The following SLIT2 variants were observed in gnomAD, a reference collection of about 807,000 sequenced individuals.
SLIT2 encodes slit guidance ligand 2, also known as slit homolog 2 protein.
SLIT2 carries 41 observed loss-of-function variants against 185.7 expected under a neutral mutation model. The ratio of observed to expected loss-of-function variants is 0.22; its 90% CI spans 0.17 to 0.29. SLIT2 has a LOEUF of 0.29. Among genes scored for constraint, SLIT2 ranks in the 10% least tolerant of loss-of-function variants. The probability of loss-of-function intolerance (pLI) is 1.00; values close to 1 mark genes in which losing one functional copy is unlikely to be tolerated. For synonymous variants in SLIT2, 693 were observed against 680.2 expected (o/e 1.02, Z -0.29); for missense variants, 1,571 against 1,909.0 (o/e 0.82, Z 3.30).
At chr4:20,311,846 T>C (rs1718138205) in intron 4 of SLIT2, among the ~76,000 whole-genome samples, 1 of 152,202 alleles carries the variant, frequency 6.6e-6, no homozygotes, top group Non-Finnish European at 1.5e-5. Flanking sequence ...GATGAAAATA[T>C]ATTGAATTTC....
chr4:20,573,225 C>T (rs761256208), intron 29 of SLIT2: 15 of 702,758 alleles, frequency 2.1e-5, no homozygotes, highest in South Asian at 4.4e-5. Flanking sequence ...CTGTCTTTGT[C>T]GCTGCCAGCT....
intron 3 of SLIT2, among the ~76,000 whole-genome samples, chr4:20,261,822 AACCTT>A (rs1261952158): frequency 2.6e-5 from 4 of 151,902 alleles, no homozygotes; most frequent in East Asian, 3.9e-4. Context: ...ACCATCTTGT[AACCTT>A]AAAATAAGAA....
intron 17 of SLIT2, among the ~76,000 whole-genome samples, chr4:20,532,427 T>A (rs1271591174): frequency 1.3e-5 from 2 of 152,208 alleles, no homozygotes; most frequent in Non-Finnish European, 2.9e-5. Flanking sequence ...TTGGACTTTT[T>A]TGCTTCATTA....
Position 20,403,811 on chromosome 4 carries a change from TG to T in SLIT2, c.396-63940del, listed in dbSNP as rs372072834. On this transcript the variant is annotated intron_variant, in intron 4 of 36. Coordinates refer to ENST00000504154, the MANE Select transcript of SLIT2 (RefSeq NM_004787.4). ...GCAGATCTTACATAAAATTTTAATT[TG>T]CTATGGTAGAGCAGTTTTCTGTTTT... Among the ~76,000 whole-genome samples the T allele has an allele frequency of 1.3e-4, 20 of 151,908 alleles. No individual in the cohort carries two copies. The East Asian group carries it at 3.7e-3, about 28-fold the overall frequency.
At chr4:20,330,867 A>G (rs2109198699) in intron 4 of SLIT2, among the ~76,000 whole-genome samples, 1 of 152,222 alleles carries the variant, frequency 6.6e-6, no homozygotes, top group African/African-American at 2.4e-5. Flanking sequence ...AAGGAAAGAG[A>G]CATCCTAATA....
intron 4 of SLIT2, among the ~76,000 whole-genome samples, chr4:20,322,845 T>C (rs73234449): frequency 0.19 from 29,181 of 152,058 alleles, 3,291 homozygotes; most frequent in Admixed American, 0.3. Flanking sequence ...TTGAACACTC[T>C]GGGCTCTTTA....
intron 34 of SLIT2, among the ~76,000 whole-genome samples, chr4:20,614,107 A>C (rs897314714): frequency 6.6e-6 from 1 of 152,044 alleles, no homozygotes; most frequent in Non-Finnish European, 1.5e-5. Flanking sequence ...TCCTGACCTC[A>C]TGTGATCCAC....
chr4:20,456,547 G>A (rs937483340), intron 4 of SLIT2, among the ~76,000 whole-genome samples: 2 of 152,048 alleles, frequency 1.3e-5, no homozygotes, highest in African/African-American at 2.4e-5. Flanking sequence ...CTGGGTTGAT[G>A]TCTGCTCTTT....
chr4:20,457,191 G>A (rs531393470), intron 4 of SLIT2, among the ~76,000 whole-genome samples: 5 of 151,912 alleles, frequency 3.3e-5, no homozygotes, highest in Non-Finnish European at 7.4e-5. Flanking sequence ...CATAGCATTA[G>A]GATACAATGA....
intron 9 of SLIT2, among the ~76,000 whole-genome samples, chr4:20,499,534 G>C (rs1437519933): frequency 6.6e-6 from 1 of 152,074 alleles, no homozygotes; most frequent in Non-Finnish European, 1.5e-5. Context: ...CTGTCATCCA[G>C]GCTGGAGTGC....
At chr4:20,388,790 A>AT (rs199914248) in intron 4 of SLIT2, among the ~76,000 whole-genome samples, 21,534 of 128,918 alleles carry the variant, frequency 0.17, 1,712 homozygotes, top group Middle Eastern at 0.23. Flanking sequence ...AAAAAAAAAA[A>AT]AAATATATAT....
chr4:20,592,150 C>G (rs1170859081), intron 30 of SLIT2, among the ~76,000 whole-genome samples: 6 of 152,168 alleles, frequency 3.9e-5, no homozygotes, highest in African/African-American at 1.4e-4. Context: ...AAAATCTCTA[C>G]TGACAAATGT....
chr4:20,487,142 G>A (rs575146155), intron 7 of SLIT2, among the ~76,000 whole-genome samples: 103 of 151,886 alleles, frequency 6.8e-4, no homozygotes, highest in African/African-American at 2.3e-3. Flanking sequence ...TAATGAACTA[G>A]GTAATACCAA....
Position 20,553,983 on chromosome 4 carries a change from C to A in SLIT2, c.2725+15C>A. On this transcript the variant is annotated intron_variant, in intron 26 of 36. Coordinates refer to ENST00000504154, the MANE Select transcript of SLIT2 (RefSeq NM_004787.4). ...TACCTGTCAAGGTATGGTTTTTAAT[C>A]ATTTGTATTTCTTTTAAGAATTACT... 6.4e-7 allele frequency: 1 copy of A among 1,560,348 alleles called. No homozygotes were observed. The highest frequency in any genetic ancestry group is 8.6e-7 in the Non-Finnish European group (1 of 1,156,998).
chr4:20,571,321 G>A (rs543863286), intron 29 of SLIT2, among the ~76,000 whole-genome samples: 33 of 152,218 alleles, frequency 2.2e-4, no homozygotes, highest in African/African-American at 5.1e-4. Flanking sequence ...AGTGCATGGC[G>A]TACAGAACAT....
intron 4 of SLIT2, among the ~76,000 whole-genome samples, chr4:20,334,004 T>A (rs1236439227): frequency 6.6e-6 from 1 of 152,314 alleles, no homozygotes; most frequent in Non-Finnish European, 1.5e-5. Flanking sequence ...TGTTCAGCAA[T>A]GTTTTCTAAG....
intron 4 of SLIT2, among the ~76,000 whole-genome samples, chr4:20,365,470 A>G (rs1560356354): frequency 1.3e-5 from 2 of 152,158 alleles, no homozygotes; most frequent in Non-Finnish European, 2.9e-5. Context: ...GTTCCAGGCA[A>G]GCAAAAAAGA....
intron 8 of SLIT2, among the ~76,000 whole-genome samples, chr4:20,489,485 A>T (rs1473376551): frequency 6.6e-6 from 1 of 152,224 alleles, no homozygotes; most frequent in African/African-American, 2.4e-5. Context: ...ACATCTAAAA[A>T]CAAAAATAAG....
At chr4:20,478,940 C>T (rs1411547474) in intron 5 of SLIT2, among the ~76,000 whole-genome samples, 2 of 152,152 alleles carry the variant, frequency 1.3e-5, no homozygotes, top group Non-Finnish European at 2.9e-5. Context: ...AGCCATATTA[C>T]ATCATGAGAC....
Sources: gnomAD v4.1 joint callset for allele counts (sites outside exome capture counted in the v4.1 genomes callset) on GRCh38, gnomAD v4.1.1 for gene constraint, MANE v1.5 for transcripts, NCBI Gene and HGNC (gene_info 2026-07-23, HGNC 2026-07-21) for gene names.